DACH2: variants seen among roughly 807,000 people sequenced by gnomAD.
The protein encoded by DACH2 is dachshund family transcription factor 2, also known as dachshund homolog 2.
In DACH2, 17 loss-of-function variants were observed where a neutral mutation model predicts 35.8. The ratio of observed to expected loss-of-function variants is 0.48; its 90% confidence interval spans 0.33 to 0.71. The LOEUF is 0.71. Among genes scored for constraint, DACH2 ranks in the 30% least tolerant of loss-of-function variants. DACH2 has a pLI of 0.02. For synonymous variants in DACH2, 195 were observed against 177.3 expected (o/e 1.10, Z -0.79); for missense variants, 469 against 472.7 (o/e 0.99, Z 0.07).
intron 3 of DACH2, among the ~76,000 whole-genome samples, chrX:86,514,710 A>G (rs768401642): frequency 1.8e-5 from 2 of 111,508 alleles, no homozygotes; most frequent in Non-Finnish European, 3.8e-5. Flanking sequence ...GAAGCCTCCT[A>G]TAGGGTGCAG....
intron 7 of DACH2, among the ~76,000 whole-genome samples, chrX:86,792,191 A>ATAAAAC (rs2042192709): frequency 9.0e-6 from 1 of 111,624 alleles, no homozygotes; most frequent in Non-Finnish European, 1.9e-5. Flanking sequence ...ATATTTCCTT[A>ATAAAAC]TTATAACTTT....
At chrX:86,359,792 A>G (rs941924259) in intron 1 of DACH2, among the ~76,000 whole-genome samples, 1 of 111,317 alleles carries the variant, frequency 9.0e-6, no homozygotes, top group African/African-American at 3.3e-5. Context: ...GAGAAAGCTA[A>G]GAAAGTGTTA....
chrX:86,445,389 G>C (rs1378754494), intron 2 of DACH2, among the ~76,000 whole-genome samples: 1 of 91,851 alleles, frequency 1.1e-5, no homozygotes, highest in Non-Finnish European at 2.1e-5. Context: ...GGATAGCATT[G>C]GGAGATATAC....
intron 2 of DACH2, among the ~76,000 whole-genome samples, chrX:86,449,611 C>T (rs750856573): frequency 4.9e-4 from 52 of 106,801 alleles, no homozygotes; most frequent in Non-Finnish European, 8.5e-4. Flanking sequence ...AAGCGATTTC[C>T]TCTAGTAGTT....
At chrX:86,238,697 A>G (rs1028280898) in intron 1 of DACH2, among the ~76,000 whole-genome samples, 1 of 110,649 alleles carries the variant, frequency 9.0e-6, no homozygotes, top group Admixed American at 9.7e-5. Flanking sequence ...ATATAATAAT[A>G]GCTTGCATCA....
At position 86,599,465 on chromosome X, in the gene DACH2, C is replaced by T. The variant is rs868835172; in HGVS notation, c.641-51571C>T. ...CTTTCTTTCCCTTCCTTCCTTCCTT[C>T]TTTTCTTTCTTTCTTTCTTTCTTTC... is the stretch of plus-strand genomic sequence containing the variant. On this transcript the variant is annotated intron_variant, in intron 3 of 11. Transcript: ENST00000373125. Among the ~76,000 whole-genome samples the T allele has an allele frequency of 6.0e-3, 149 of 24,652 alleles. 2 individuals are homozygous for T. Among genetic ancestry groups the T allele is most frequent in the Admixed American group, 0.051 (126 of 2,462 alleles). The allele number at this position is 24,652 out of a possible 115,157, so 21.4% of individuals were successfully genotyped here. A position where few individuals can be genotyped will look rare whatever the true frequency, so the allele number is the denominator to read the frequency against.
intron 7 of DACH2, among the ~76,000 whole-genome samples, chrX:86,759,900 A>G (rs2041864130): frequency 8.9e-6 from 1 of 111,882 alleles, no homozygotes. Flanking sequence ...TCGGGACAGT[A>G]TAGTGCCAGT....
At chrX:86,395,185 C>T (rs1263233114) in intron 2 of DACH2, among the ~76,000 whole-genome samples, 1 of 110,809 alleles carries the variant, frequency 9.0e-6, no homozygotes, top group African/African-American at 3.3e-5. Context: ...AACATATAGC[C>T]CCATTTGGAT....
intron 3 of DACH2, among the ~76,000 whole-genome samples, chrX:86,610,440 TTC>T (rs2039928742): frequency 5.1e-5 from 5 of 97,971 alleles, no homozygotes; most frequent in African/African-American, 1.6e-4. Flanking sequence ...CTTTCTTTCT[TTC>T]TTTCTTTTTC....
At chrX:86,369,820 A>C (rs1287160522) in intron 1 of DACH2, among the ~76,000 whole-genome samples, 1 of 111,682 alleles carries the variant, frequency 9.0e-6, no homozygotes, top group East Asian at 2.8e-4. Flanking sequence ...AACTTTGGCT[A>C]CTCAGAGAAA....
Position 86,677,726 on chromosome X carries a change from G to A in DACH2, c.773-17295G>A, listed in dbSNP as rs35352236. Among the ~76,000 whole-genome samples the A allele has an allele frequency of 7.7e-3, 864 of 112,245 alleles. 20 individuals carry two copies. Among genetic ancestry groups the A allele is most frequent in the Admixed American group, 0.066 (695 of 10,509 alleles). On this transcript the variant is annotated intron_variant, in intron 4 of 11. Transcript: ENST00000373125. ...TTATAAAGTATAAGAGCTTTGGGAAGTGTGTGTTTGTCATTATGGTTAATT... is the reference window on the plus strand; with the variant it reads ...TTATAAAGTATAAGAGCTTTGGGAAATGTGTGTTTGTCATTATGGTTAATT...
intron 3 of DACH2, among the ~76,000 whole-genome samples, chrX:86,587,215 A>T (rs917370989): frequency 9.1e-6 from 1 of 110,416 alleles, no homozygotes; most frequent in Non-Finnish European, 1.9e-5. Flanking sequence ...CTCTGTTTGG[A>T]TGTTATTGGT....
At chrX:86,592,360 T>C (rs1320171713) in intron 3 of DACH2, among the ~76,000 whole-genome samples, 2 of 111,946 alleles carry the variant, frequency 1.8e-5, no homozygotes, top group Non-Finnish European at 3.8e-5. Context: ...CTAGTCTGTT[T>C]CATTGATGTT....
chrX:86,445,848 T>C (rs754664472), intron 2 of DACH2, among the ~76,000 whole-genome samples: 1 of 111,447 alleles, frequency 9.0e-6, no homozygotes, highest in African/African-American at 3.2e-5. Context: ...GTTTATTGTA[T>C]AAATTTCATT....
chrX:86,782,201 T>C (rs957314826), intron 7 of DACH2, among the ~76,000 whole-genome samples: 1 of 111,577 alleles, frequency 9.0e-6, no homozygotes, highest in Non-Finnish European at 1.9e-5. Context: ...CACTAAAAAG[T>C]GGGAAAATGT....
chrX:86,682,660 A>T (rs748423668), intron 4 of DACH2, among the ~76,000 whole-genome samples: 6 of 111,696 alleles, frequency 5.4e-5, no homozygotes, highest in Admixed American at 3.8e-4. Context: ...AATCTCTTTG[A>T]TATCATCAGC....
intron 4 of DACH2, among the ~76,000 whole-genome samples, chrX:86,668,596 A>G (rs2040727163): frequency 8.9e-6 from 1 of 111,935 alleles, no homozygotes; most frequent in African/African-American, 3.2e-5. Context: ...TTTGTAACAG[A>G]TGATACTGGA....
intron 1 of DACH2, among the ~76,000 whole-genome samples, chrX:86,248,820 C>T (rs145182568): frequency 7.1e-4 from 79 of 111,282 alleles, no homozygotes; most frequent in Non-Finnish European, 1.4e-3. Flanking sequence ...GTAACCAAAA[C>T]AGCGTGGTAC....
At chrX:86,807,236 ATATACTCCTC>A (rs1355279317) in intron 7 of DACH2, among the ~76,000 whole-genome samples, 1 of 112,048 alleles carries the variant, frequency 8.9e-6, no homozygotes. Context: ...ATATATGACT[ATATACTCCTC>A]TTTCACTTCT....
Sources: allele counts gnomAD v4.1 joint callset (sites outside exome capture counted in the v4.1 genomes callset), GRCh38; gene constraint gnomAD v4.1.1; transcripts MANE v1.5; gene names NCBI Gene and HGNC (gene_info 2026-07-23, HGNC 2026-07-21).